Variants in CLUAP1 observed in about 807,000 individuals in gnomAD.
CLUAP1 encodes the protein intraflagellar transport 38, also known as clusterin-associated protein 1.
CLUAP1 carries 50 observed loss-of-function variants against 55.0 expected under a neutral mutation model. That is an observed-to-expected ratio of 0.91 (90% CI 0.72 to 1.15). The LOEUF (loss-of-function observed/expected upper bound fraction) is 1.15. CLUAP1 is among the 50% of genes most tolerant of loss of function. The pLI is 0.00. For synonymous variants in CLUAP1, 195 were observed against 175.4 expected (o/e 1.11, Z -0.88); for missense variants, 530 against 507.6 (o/e 1.04, Z -0.42).
At chr16:3,498,861 A>G (rs2037338575), upstream of CLUAP1, among the ~76,000 whole-genome samples, 1 of 151,060 alleles carries the variant, frequency 6.6e-6, no homozygotes, top group Admixed American at 6.6e-5. Flanking sequence ...ACTCCATCTC[A>G]AAAAACAAAC....
chr16:3,530,774 C>A, intron 10 of CLUAP1, 99 bp downstream of exon 10: 2 of 846,822 alleles, frequency 2.4e-6, no homozygotes, highest in African/African-American at 1.7e-5. Flanking sequence ...GGCCCACAAG[C>A]GTGCTGCGAA....
At chr16:3,512,334 TA>T (rs530355185) in intron 4 of CLUAP1, 48 bp from the exon 5 acceptor site, 1 of 1,446,086 alleles carries the variant, frequency 6.9e-7, no homozygotes, top group Non-Finnish European at 9.7e-7. Context: ...CTGTCTCTAT[TA>T]AAAAACATCT....
intron 7 of CLUAP1, among the ~76,000 whole-genome samples, chr16:3,521,675 C>T (rs1258105942): frequency 6.6e-6 from 1 of 151,998 alleles, no homozygotes; most frequent in Non-Finnish European, 1.5e-5. Context: ...CCTTGTGATC[C>T]ACCTGCCTTG....
At chr16:3,528,137 T>C (rs2037983464) in intron 9 of CLUAP1, among the ~76,000 whole-genome samples, 1 of 152,212 alleles carries the variant, frequency 6.6e-6, no homozygotes. Flanking sequence ...GTCAAGTCAC[T>C]GTCAGGGACC....
At position 3,501,107 on chromosome 16, in the gene CLUAP1, C is replaced by G. The variant is rs201752743; in HGVS notation, c.22+18C>G. ...CCTCCGCAGTAAGGCAGCCCCGCGC[C>G]CCTGTGACCTGCGGGTCTTCCAGAG... On this transcript the variant is annotated intron_variant, in intron 1 of 11. Transcript: ENST00000576634. The G allele has an allele frequency of 8.7e-4, 1,372 of 1,585,654 alleles. 14 individuals are homozygous for G. In the African/African-American group the frequency reaches 0.015, roughly 17 times the overall value.
chr16:3,506,283 C>G (rs749683695), intron 2 of CLUAP1, 48 bp from the exon 3 acceptor site: 4 of 1,476,080 alleles, frequency 2.7e-6, no homozygotes, highest in Non-Finnish European at 3.8e-6. Context: ...CTTTAGTAGA[C>G]TTTCTCCTTG....
chr16:3,532,848 C>A lies in CLUAP1; in HGVS notation c.1092+7C>A. The A allele has an allele frequency of 6.2e-7, 1 of 1,613,862 alleles. No individual in the cohort carries two copies. Among genetic ancestry groups the A allele is most frequent in the South Asian group, 1.1e-5 (1 of 91,066 alleles). On this transcript the variant is annotated splice_region_variant and intron_variant, in intron 11 of 11. Coordinates refer to ENST00000576634, the MANE Select transcript of CLUAP1 (RefSeq NM_015041.3). ...TGGAGACTCCGATGACAATGTAAGTCCCCCGCTCCCCTCAGTGGTTCTGTG... is the reference window on the plus strand; with the variant it reads ...TGGAGACTCCGATGACAATGTAAGTACCCCGCTCCCCTCAGTGGTTCTGTG...
At chr16:3,515,275 G>A (rs946054156) in intron 5 of CLUAP1, 5 of 364,146 alleles carry the variant, frequency 1.4e-5, no homozygotes, top group African/African-American at 2.1e-5. Context: ...TAGAGTTGGG[G>A]TCACCTAGGC....
chr16:3,528,955 G>A lies in CLUAP1; in HGVS notation c.929-1613G>A, dbSNP rs117606787. 3.9e-3 allele frequency among the ~76,000 whole-genome samples: 597 copies of A among 152,122 alleles called. 8 individuals carry two copies. In the East Asian group the frequency reaches 0.04, roughly 10 times the overall value. On this transcript the variant is annotated intron_variant, in intron 9 of 11. Coordinates refer to ENST00000576634, the MANE Select transcript of CLUAP1 (RefSeq NM_015041.3). ...ATGCATTAATGTCTTAGTCTGTTTT[G>A]TGCTGCTGTAACAGAATACCTGAGA...
At chr16:3,517,743 T>C (rs2037755680) in intron 6 of CLUAP1, among the ~76,000 whole-genome samples, 1 of 152,176 alleles carries the variant, frequency 6.6e-6, no homozygotes, top group Non-Finnish European at 1.5e-5. Flanking sequence ...GCACGCCTGG[T>C]AGGATGCAGT....
intron 11 of CLUAP1, chr16:3,533,393 C>T (rs2038168342): frequency 1.8e-6 from 1 of 542,186 alleles, no homozygotes; most frequent in African/African-American, 1.9e-5. Context: ...TGGGCCGCCA[C>T]CTAGAAATGA....
chr16:3,523,433 T>A, intron 8 of CLUAP1, 134 bp downstream of exon 8: 1 of 1,064,972 alleles, frequency 9.4e-7, no homozygotes, highest in Non-Finnish European at 1.3e-6. Flanking sequence ...GTCTGAGGAT[T>A]GCTCATGTAA....
chr16:3,536,088 A>C, intron 11 of CLUAP1, 34 bp from the exon 12 acceptor site: 2 of 1,609,126 alleles, frequency 1.2e-6, no homozygotes, highest in Non-Finnish European at 1.7e-6. Context: ...ATGAGGCAGG[A>C]TCCCCCGTTG....
At chr16:3,516,152 C>T (rs1172136886) in intron 6 of CLUAP1, among the ~76,000 whole-genome samples, 1 of 152,162 alleles carries the variant, frequency 6.6e-6, no homozygotes, top group Admixed American at 6.5e-5. Context: ...GAACTGCATT[C>T]CCAACTGTGT....
intron 7 of CLUAP1, among the ~76,000 whole-genome samples, chr16:3,521,624 G>A (rs1035693312): frequency 2.3e-4 from 35 of 151,848 alleles, no homozygotes; most frequent in Non-Finnish European, 2.9e-4. Context: ...TAGTAGAGAC[G>A]GAGTTTCACC....
At chr16:3,524,340 G>A (rs1231272056) in intron 8 of CLUAP1, among the ~76,000 whole-genome samples, 5 of 147,554 alleles carry the variant, frequency 3.4e-5, no homozygotes, top group Non-Finnish European at 6.0e-5. Context: ...GGTGGCTCAC[G>A]CCTGTAATCC....
chr16:3,508,131 A>G (rs1253864979), intron 3 of CLUAP1, among the ~76,000 whole-genome samples, 158 bp from the exon 4 acceptor site: 1 of 152,140 alleles, frequency 6.6e-6, no homozygotes, highest in Admixed American at 6.5e-5. Flanking sequence ...CCCAGTTTAT[A>G]CAACCACTCA....
intron 6 of CLUAP1, 73 bp from the exon 7 acceptor site, chr16:3,519,830 T>A (rs2037798838): frequency 6.7e-7 from 1 of 1,482,162 alleles, no homozygotes; most frequent in African/African-American, 1.4e-5. Flanking sequence ...CCTGAAGAGT[T>A]GCAAAATTCT....
At chr16:3,525,581 G>A (rs2037926555) in intron 8 of CLUAP1, among the ~76,000 whole-genome samples, 1 of 151,476 alleles carries the variant, frequency 6.6e-6, no homozygotes, top group South Asian at 2.1e-4. Context: ...CTTTCTCAAC[G>A]GGGTCTCACT....
Sources: allele counts gnomAD v4.1 joint callset (sites outside exome capture counted in the v4.1 genomes callset), GRCh38; gene constraint gnomAD v4.1.1; transcripts MANE v1.5; gene names NCBI Gene and HGNC (gene_info 2026-07-23, HGNC 2026-07-21).